The following UBE2QL1 variants were observed in gnomAD, a reference collection of about 807,000 sequenced individuals.
UBE2QL1 encodes the protein ubiquitin conjugating enzyme E2 QL1.
A neutral mutation model predicts 12.6 loss-of-function variants in UBE2QL1; 5 were observed. The ratio of observed to expected loss-of-function variants is 0.40; its 90% CI spans 0.21 to 0.83. UBE2QL1 has a LOEUF of 0.83. Among genes scored for constraint, UBE2QL1 ranks in the 40% least tolerant of loss-of-function variants. The probability of loss-of-function intolerance (pLI) is 0.37; values close to 1 mark genes in which losing one functional copy is unlikely to be tolerated. For missense variants in UBE2QL1, 99 were observed against 222.6 expected (o/e 0.44, Z 3.53); for synonymous variants, 96 against 94.5 (o/e 1.02, Z -0.10).
chr5:6,456,418 G>C (rs973116594), intron 1 of UBE2QL1, among the ~76,000 whole-genome samples: 28 of 152,184 alleles, frequency 1.8e-4, no homozygotes, highest in Non-Finnish European at 3.7e-4. Context: ...TAGTCACTCA[G>C]TGTTTTTTGG....
At chr5:6,471,968 A>G (rs1354513445) in intron 1 of UBE2QL1, among the ~76,000 whole-genome samples, 5 of 152,046 alleles carry the variant, frequency 3.3e-5, no homozygotes, top group Admixed American at 6.5e-5. Context: ...CAGTCCATCC[A>G]TGCAAGGCCC....
At chr5:6,466,271 C>A (rs1288318884) in intron 1 of UBE2QL1, among the ~76,000 whole-genome samples, 1 of 152,244 alleles carries the variant, frequency 6.6e-6, no homozygotes, top group Admixed American at 6.5e-5. Context: ...GGGGAGCGAA[C>A]TGCTCAGCAC....
intron 1 of UBE2QL1, among the ~76,000 whole-genome samples, chr5:6,457,416 C>G (rs1739549735): frequency 6.6e-6 from 1 of 152,160 alleles, no homozygotes; most frequent in Non-Finnish European, 1.5e-5. Context: ...CTGTGCTTAT[C>G]CTGCCAGTTT....
At chr5:6,449,324 G>A in intron 1 of UBE2QL1, 77 bp downstream of exon 1, 1 of 1,269,328 alleles carries the variant, frequency 7.9e-7, no homozygotes, top group Non-Finnish European at 1.0e-6. Context: ...CGGGCCCCGT[G>A]GTGAGGGCCA....
chr5:6,491,486 A>T lies in UBE2QL1; in HGVS notation c.*137A>T, dbSNP rs1186373557. On this transcript the variant is annotated 3_prime_UTR_variant, in exon 2 of 2. Transcript: ENST00000399816. Reference sequence around the variant, plus strand: ...ATCCTGAATGCCCAGGAGACGTTTAAGTTATTTATGAAAAGATGTGTGTAC... The same window carrying T: ...ATCCTGAATGCCCAGGAGACGTTTATGTTATTTATGAAAAGATGTGTGTAC... The T allele has an allele frequency of 8.2e-7, 1 of 1,216,180 alleles. No individual in the cohort carries two copies. Among genetic ancestry groups the T allele is most frequent in the Non-Finnish European group, 1.1e-6 (1 of 909,234 alleles). The allele number at this position is 1,216,180 out of a possible 1,614,324, so 75.3% of individuals were successfully genotyped here.
At chr5:6,457,920 T>C (rs1739562579) in intron 1 of UBE2QL1, among the ~76,000 whole-genome samples, 1 of 152,230 alleles carries the variant, frequency 6.6e-6, no homozygotes, top group South Asian at 2.1e-4. Context: ...ATCCATCAAG[T>C]CTGACACATG....
chr5:6,449,790 A>G (rs1170815138), intron 1 of UBE2QL1, among the ~76,000 whole-genome samples: 1 of 149,750 alleles, frequency 6.7e-6, no homozygotes, highest in Non-Finnish European at 1.5e-5. Flanking sequence ...TCCTGTCCCT[A>G]TAATCTCTAT....
At position 6,496,515 on chromosome 5, in the gene UBE2QL1, T is replaced by C. The variant is rs1211343768; in HGVS notation, c.*5166T>C. On this transcript the variant is annotated 3_prime_UTR_variant, in exon 2 of 2. Coordinates refer to ENST00000399816, the MANE Select transcript of UBE2QL1 (RefSeq NM_001145161.3). ...CGCAATTCATGGGGAGACTTTGGTG[T>C]ATCCTGTTTCCAGAGTTGTCCTCTT... is the stretch of plus-strand genomic sequence containing the variant. Among the ~76,000 whole-genome samples, 1 of 152,206 alleles carries C rather than the reference T, an allele frequency of 6.6e-6. No individual in the cohort carries two copies. The highest frequency in any genetic ancestry group is 1.5e-5 in the Non-Finnish European group (1 of 68,044).
intron 1 of UBE2QL1, among the ~76,000 whole-genome samples, chr5:6,455,844 C>A (rs149983284): frequency 1.7e-4 from 26 of 152,276 alleles, no homozygotes; most frequent in African/African-American, 4.8e-4. Context: ...GCTCACACTC[C>A]CTGTCCTAGG....
At chr5:6,453,004 C>T (rs1288732748) in intron 1 of UBE2QL1, among the ~76,000 whole-genome samples, 1 of 152,208 alleles carries the variant, frequency 6.6e-6, no homozygotes, top group Non-Finnish European at 1.5e-5. Flanking sequence ...GACAATTCCT[C>T]ACTCCTCTCC....
chr5:6,487,029 C>G (rs1223885373), intron 1 of UBE2QL1, among the ~76,000 whole-genome samples: 1 of 152,228 alleles, frequency 6.6e-6, no homozygotes, highest in Non-Finnish European at 1.5e-5. Flanking sequence ...ACAGTGGACT[C>G]TAAGCCCTAA....
chr5:6,490,403 A>G (rs1186500460), intron 1 of UBE2QL1, among the ~76,000 whole-genome samples: 1 of 152,216 alleles, frequency 6.6e-6, no homozygotes, highest in South Asian at 2.1e-4. Context: ...TTGTGCCGTC[A>G]TAAGATGGGT....
intron 1 of UBE2QL1, among the ~76,000 whole-genome samples, chr5:6,486,516 A>T (rs1301470713): frequency 6.6e-6 from 1 of 152,228 alleles, no homozygotes; most frequent in African/African-American, 2.4e-5. Flanking sequence ...ATCTTTCTGA[A>T]CACACAAATC....
At chr5:6,477,316 G>A (rs934511610) in intron 1 of UBE2QL1, among the ~76,000 whole-genome samples, 5 of 152,210 alleles carry the variant, frequency 3.3e-5, no homozygotes, top group African/African-American at 9.6e-5. Context: ...AATTGCACAC[G>A]GAGCACAACT....
At chr5:6,457,740 A>T (rs2126328803) in intron 1 of UBE2QL1, among the ~76,000 whole-genome samples, 1 of 152,364 alleles carries the variant, frequency 6.6e-6, no homozygotes, top group African/African-American at 2.4e-5. Flanking sequence ...CCAGGCAACC[A>T]GTCCAGTGCC....
intron 1 of UBE2QL1, among the ~76,000 whole-genome samples, chr5:6,452,652 G>A (rs1739432753): frequency 6.6e-6 from 1 of 152,206 alleles, no homozygotes; most frequent in African/African-American, 2.4e-5. Flanking sequence ...AAAGTAGCCT[G>A]TAATCCCAGC....
rs141008993 is a variant in UBE2QL1 at position 6,493,046 on chromosome 5, T to A, written c.*1697T>A. Reference sequence around the variant, plus strand: ...ACTTTTGTTTTTCTTTACCACTTTCTTATTTGCCCCCAAGTGCACACAGGC... The same window carrying A: ...ACTTTTGTTTTTCTTTACCACTTTCATATTTGCCCCCAAGTGCACACAGGC... On this transcript the variant is annotated 3_prime_UTR_variant, in exon 2 of 2. Coordinates refer to ENST00000399816, the MANE Select transcript of UBE2QL1 (RefSeq NM_001145161.3). 1 of 152,346 alleles carries A rather than the reference T, an allele frequency of 6.6e-6. No homozygotes were observed. Among genetic ancestry groups the A allele is most frequent in the East Asian group, 1.9e-4 (1 of 5,192 alleles). The allele number at this position is 152,346 out of a possible 1,614,324, so 9.4% of individuals were successfully genotyped here.
At chr5:6,483,280 AC>A (rs1388318661) in intron 1 of UBE2QL1, among the ~76,000 whole-genome samples, 2 of 152,128 alleles carry the variant, frequency 1.3e-5, no homozygotes, top group Non-Finnish European at 2.9e-5. Context: ...TACTGAAAAT[AC>A]AAAAAAAATT....
chr5:6,472,739 C>A (rs1475409113), intron 1 of UBE2QL1, among the ~76,000 whole-genome samples: 1 of 152,074 alleles, frequency 6.6e-6, no homozygotes, highest in Non-Finnish European at 1.5e-5. Flanking sequence ...TCTTTATCTT[C>A]TTCTCTTTCT....
Sources: gnomAD v4.1 joint callset for allele counts (sites outside exome capture counted in the v4.1 genomes callset) on GRCh38, gnomAD v4.1.1 for gene constraint, MANE v1.5 for transcripts, NCBI Gene and HGNC (gene_info 2026-07-23, HGNC 2026-07-21) for gene names.